Variants in NUCB1 observed in about 807,000 individuals in gnomAD.
NUCB1 encodes nucleobindin 1.
In NUCB1, 47 loss-of-function variants were observed where a neutral mutation model predicts 61.2. The ratio of observed to expected loss-of-function variants is 0.77; its 90% CI spans 0.61 to 0.98. The LOEUF (loss-of-function observed/expected upper bound fraction) is 0.98, where lower values mean the gene tolerates loss of function less well. Ranked by LOEUF, NUCB1 falls within the 50% of genes least tolerant of loss-of-function variation. NUCB1 has a pLI of 0.00. For synonymous variants in NUCB1, 234 were observed against 243.1 expected (o/e 0.96, Z 0.35); for missense variants, 583 against 605.3 (o/e 0.96, Z 0.39).
Position 48,920,119 on chromosome 19 carries a change from G to A in NUCB1, c.1002+833G>A, listed in dbSNP as rs555451267. Reference sequence around the variant, plus strand: ...GAGACAGGGTTTTGCATGTTGGCCAGGCTGCTCTGAAACTCCTGGACTCAA... The same window carrying A: ...GAGACAGGGTTTTGCATGTTGGCCAAGCTGCTCTGAAACTCCTGGACTCAA... On this transcript the variant is annotated intron_variant, in intron 10 of 12. Coordinates refer to ENST00000405315, the MANE Select transcript of NUCB1 (RefSeq NM_006184.6). 2.6e-4 allele frequency among the ~76,000 whole-genome samples: 40 copies of A among 151,790 alleles called. No homozygotes were observed. In the East Asian group the frequency reaches 7.6e-3, roughly 29 times the overall value.
chr19:48,901,596 T>C (rs2037353901), intron 2 of NUCB1, among the ~76,000 whole-genome samples: 1 of 152,164 alleles, frequency 6.6e-6, no homozygotes, highest in South Asian at 2.1e-4. Flanking sequence ...AAACCCCATC[T>C]CTACCAAAAA....
At chr19:48,902,584 ATTTTTGATAGAGACAGGG>A in intron 2 of NUCB1, among the ~76,000 whole-genome samples, 2 of 148,468 alleles carry the variant, frequency 1.3e-5, no homozygotes, top group South Asian at 4.3e-4. Context: ...TTTTTTTTGT[ATTTTTGATAGAGACAGGG>A]TGTCATTATA....
At chr19:48,920,367 C>G (rs1053167927) in intron 10 of NUCB1, among the ~76,000 whole-genome samples, 4 of 152,086 alleles carry the variant, frequency 2.6e-5, no homozygotes, top group African/African-American at 9.7e-5. Context: ...TCTCCTGTCA[C>G]CCAGGCTGGA....
Position 48,913,085 on chromosome 19 carries a change from C to A in NUCB1, c.555C>A (p.His185Gln). 6.2e-7 allele frequency: 1 copy of A among 1,613,552 alleles called. No homozygotes were observed. The highest frequency in any genetic ancestry group is 8.5e-7 in the Non-Finnish European group (1 of 1,179,908). ...EFKRYEMLKEHERRRYLESLG... is the reference protein window; with the variant it reads ...EFKRYEMLKEQERRRYLESLG... ...AGCGCTACGAGATGCTTAAGGAACA[C>A]GAGAGACGGCGTTATCTGGAGTCAC... The change falls in exon 6 of 13, where the codon CAC becomes CAA. Residue 185 changes from histidine (H) to glutamine (Q), a missense_variant. His to Gln is a conservative substitution (Grantham distance 24). Coordinates refer to ENST00000405315, the MANE Select transcript of NUCB1 (RefSeq NM_006184.6).
chr19:48,922,295 C>T, intron 12 of NUCB1, 23 bp from the exon 13 acceptor site: 1 of 1,598,744 alleles, frequency 6.3e-7, no homozygotes, highest in Non-Finnish European at 8.6e-7. Flanking sequence ...TCCTGTGCCA[C>T]CATTCCCTCC....
At chr19:48,911,111 A>T in intron 4 of NUCB1, 38 bp from the exon 5 acceptor site, 1 of 1,462,466 alleles carries the variant, frequency 6.8e-7, no homozygotes, top group Non-Finnish European at 9.6e-7. Flanking sequence ...TTCTGAAAGA[A>T]CATGCCCTCA....
Position 48,922,836 on chromosome 19 carries a change from TGCTCCGG to T in NUCB1, c.*415_*421del. 5.3e-6 allele frequency: 1 copy of T among 189,146 alleles called. No individual in the cohort carries two copies. The highest frequency in any genetic ancestry group is 1.1e-5 in the Non-Finnish European group (1 of 90,384). The allele number at this position is 189,146 out of a possible 1,614,324, so 11.7% of individuals were successfully genotyped here. ...CCACAGCTACTGGAATCCCCGCTGC[TGCTCCGG>T]GCCAAGCTTCTGGTTGATTAATGAG... On this transcript the variant is annotated 3_prime_UTR_variant, in exon 13 of 13. Coordinates refer to ENST00000405315, the MANE Select transcript of NUCB1 (RefSeq NM_006184.6).
At chr19:48,906,004 TGCTGAAATGTGC>T in intron 4 of NUCB1, 119 bp downstream of exon 4, 3 of 959,290 alleles carry the variant, frequency 3.1e-6, no homozygotes, top group Non-Finnish European at 4.7e-6. Flanking sequence ...CTGCGAAATG[TGCTGAAATGTGC>T]GTGGGAGATT....
rs144362074 is a variant in NUCB1, at chr19:48,915,429, C to T, written c.757+1865C>T. ...AGGAGAATCGCTTGAACCCGGGAGG[C>T]GGAAGGCGGGGGTTGCAATGAGCTG... On this transcript the variant is annotated intron_variant, in intron 7 of 12. Transcript: ENST00000405315. Among the ~76,000 whole-genome samples, 902 of 152,240 alleles carry T rather than the reference C, an allele frequency of 5.9e-3. 6 individuals are homozygous for T. The highest frequency in any genetic ancestry group is 0.019 in the African/African-American group (783 of 41,548).
At position 48,904,448 on chromosome 19, in the gene NUCB1, C is replaced by G; in HGVS notation, c.237C>G (p.Asp79Glu). Reference protein sequence around the residue: ...REKLQAANAEDIKSGKLSREL... With the variant: ...REKLQAANAEEIKSGKLSREL... ...AGCTGCAGGCTGCCAATGCGGAGGA[C>G]ATCAAGGTGCGGCTGGGGGAGTGGG... Residue 79 changes from aspartate (D) to glutamate (E), a missense_variant, in exon 3 of 13, where the codon GAC becomes GAG. Physicochemically the swap from Asp to Glu is conservative, Grantham distance 45. Coordinates refer to ENST00000405315, the MANE Select transcript of NUCB1 (RefSeq NM_006184.6). The G allele has an allele frequency of 6.3e-7, 1 of 1,597,126 alleles. No individual in the cohort carries two copies. Among genetic ancestry groups the G allele is most frequent in the Non-Finnish European group, 8.5e-7 (1 of 1,170,072 alleles).
At position 48,904,351 on chromosome 19, in the gene NUCB1, C is replaced by T. The variant is rs1478797301; in HGVS notation, c.140C>T (p.Thr47Ile). 2 of 1,609,816 alleles carry T rather than the reference C, an allele frequency of 1.2e-6. No homozygotes were observed. The highest frequency in any genetic ancestry group is 3.3e-5 in the Admixed American group (2 of 59,954). The change falls in exon 3 of 13, where the codon ACA (threonine) becomes ATA (isoleucine). Residue 47 changes from threonine to isoleucine, a missense_variant. Transcript: ENST00000405315. ...TGTCTGTCCTTGTTGCCTCAGGACA[C>T]AGGCCTGTACTACCACCGGTACCTC... ...EETPATESPDTGLYYHRYLQE... is the reference protein window; with the variant it reads ...EETPATESPDIGLYYHRYLQE...
chr19:48,911,871 T>C (rs1338590454), intron 5 of NUCB1, among the ~76,000 whole-genome samples: 1 of 152,072 alleles, frequency 6.6e-6, no homozygotes, highest in Non-Finnish European at 1.5e-5. Flanking sequence ...TAACTCCATT[T>C]TACAGAGGTG....
At position 48,904,458 on chromosome 19, in the gene NUCB1, C is replaced by G. The variant is rs73063515; in HGVS notation, c.243+4C>G. 1.3e-6 allele frequency: 2 copies of G among 1,517,056 alleles called. No individual in the cohort carries two copies. Among genetic ancestry groups the G allele is most frequent in the Non-Finnish European group, 1.8e-6 (2 of 1,121,338 alleles). 94.0% of individuals were successfully genotyped at this position (1,517,056 alleles called of 1,614,324 possible). The stretch of plus-strand genomic sequence containing the variant: ...TGCCAATGCGGAGGACATCAAGGTG[C>G]GGCTGGGGGAGTGGGGGCTGTGGGA... On this transcript the variant is annotated splice_donor_region_variant and intron_variant, in intron 3 of 12. Coordinates refer to ENST00000405315, the MANE Select transcript of NUCB1 (RefSeq NM_006184.6).
chr19:48,912,983 A>G, intron 5 of NUCB1, 28 bp from the exon 6 acceptor site: 2 of 1,560,016 alleles, frequency 1.3e-6, no homozygotes, highest in Non-Finnish European at 1.7e-6. Context: ...GAGGGGGCAG[A>G]GGGGAATGAC....
Position 48,913,541 on chromosome 19 carries a change from C to A in NUCB1, c.734C>A (p.Pro245His). ...GGACTGGACCCCAACAGGTTTAACC[C>A]CAAGACCTTCTTCATACTGCATGGT... ...LDGLDPNRFN[P>H]KTFFILHDIN... The change falls in exon 7 of 13, where the codon CCC becomes CAC. Residue 245 changes from proline (P) to histidine (H), a missense_variant. Pro to His is a moderately conservative substitution (Grantham distance 77). Coordinates refer to ENST00000405315, the MANE Select transcript of NUCB1 (RefSeq NM_006184.6). The A allele has an allele frequency of 3.1e-6, 5 of 1,614,076 alleles. No homozygotes were observed. Among genetic ancestry groups the A allele is most frequent in the Non-Finnish European group, 4.2e-6 (5 of 1,179,968 alleles).
Position 48,905,718 on chromosome 19 carries a change from G to A in NUCB1, c.244-35G>A, listed in dbSNP as rs746777703. ...AGCTTCCAGAGAAGACAGAGAGCAG[G>A]CCCCCAGGCTGACCAGGGTCTCCTC... On this transcript the variant is annotated intron_variant, in intron 3 of 12. Coordinates refer to ENST00000405315, the MANE Select transcript of NUCB1 (RefSeq NM_006184.6). 3 of 1,612,496 alleles carry A rather than the reference G, an allele frequency of 1.9e-6. No homozygotes were observed. The Admixed American group carries it at 5.0e-5, about 27-fold the overall frequency.
intron 4 of NUCB1, among the ~76,000 whole-genome samples, chr19:48,909,627 C>T (rs1338581994): frequency 6.6e-6 from 1 of 151,968 alleles, no homozygotes; most frequent in Non-Finnish European, 1.5e-5. Flanking sequence ...CTGCATCCTC[C>T]CCCTCCCACG....
chr19:48,905,636 G>A, intron 3 of NUCB1, 117 bp from the exon 4 acceptor site: 2 of 1,227,194 alleles, frequency 1.6e-6, no homozygotes, highest in Non-Finnish European at 2.3e-6. Context: ...GAGGAGCTGG[G>A]GGACTATAAG....
At chr19:48,918,980 A>C (rs199592145) in intron 8 of NUCB1, 50 bp from the exon 9 acceptor site, 3 of 1,565,814 alleles carry the variant, frequency 1.9e-6, no homozygotes, top group Non-Finnish European at 2.6e-6. Flanking sequence ...GTCGGGAATG[A>C]GCTCGCTGGG....
Sources: gnomAD v4.1 joint callset for allele counts (sites outside exome capture counted in the v4.1 genomes callset) on GRCh38, gnomAD v4.1.1 for gene constraint, MANE v1.5 for transcripts, NCBI Gene and HGNC (gene_info 2026-07-23, HGNC 2026-07-21) for gene names.